The following ANKRD11 variants were observed in gnomAD, a reference collection of about 807,000 sequenced individuals.
The protein encoded by ANKRD11 is ankyrin repeat domain-containing protein 11.
In ANKRD11, 17 loss-of-function variants were observed where a neutral mutation model predicts 195.7. The ratio of observed to expected loss-of-function variants is 0.09; its 90% CI spans 0.06 to 0.13. The LOEUF is 0.13. Among genes scored for constraint, ANKRD11 ranks in the 10% least tolerant of loss-of-function variants. The pLI is 1.00. For missense variants in ANKRD11, 3,735 were observed against 3,566.1 expected (o/e 1.05, Z -1.21); for synonymous variants, 1,953 against 1,528.1 (o/e 1.28, Z -6.49).
chr16:89,427,144 G>A (rs1383834854), intron 1 of ANKRD11, among the ~76,000 whole-genome samples: 1 of 152,142 alleles, frequency 6.6e-6, no homozygotes. Flanking sequence ...ATCTGAAAAA[G>A]ATTAAGGAAA....
intron 3 of ANKRD11, among the ~76,000 whole-genome samples, chr16:89,309,962 C>T (rs1327870267): frequency 6.6e-6 from 1 of 152,230 alleles, no homozygotes; most frequent in Admixed American, 6.5e-5. Flanking sequence ...GAGGTAGGCT[C>T]TGCACATGTC....
chr16:89,467,558 G>A (rs2056927807), intron 1 of ANKRD11, among the ~76,000 whole-genome samples: 1 of 152,090 alleles, frequency 6.6e-6, no homozygotes, highest in African/African-American at 2.4e-5. Context: ...TAGAGACGGG[G>A]TCTTGCTATG....
intron 1 of ANKRD11, among the ~76,000 whole-genome samples, chr16:89,467,211 C>T (rs972885117): frequency 2.0e-5 from 3 of 151,896 alleles, no homozygotes; most frequent in East Asian, 1.9e-4. Flanking sequence ...GCAGGTGGAT[C>T]GCTTGAGCCC....
At chr16:89,463,267 T>C (rs1387725867) in intron 1 of ANKRD11, among the ~76,000 whole-genome samples, 2 of 152,196 alleles carry the variant, frequency 1.3e-5, no homozygotes, top group Non-Finnish European at 2.9e-5. Flanking sequence ...AGAAATCGGA[T>C]GGTTGCCGTG....
At chr16:89,432,063 A>T (rs190071221) in intron 1 of ANKRD11, among the ~76,000 whole-genome samples, 21 of 152,126 alleles carry the variant, frequency 1.4e-4, no homozygotes, top group Admixed American at 1.3e-3. Context: ...CTTTACCTAC[A>T]TCATCATAAC....
intron 1 of ANKRD11, among the ~76,000 whole-genome samples, chr16:89,481,933 A>T (rs1445477106): frequency 2.0e-5 from 3 of 152,088 alleles, no homozygotes; most frequent in Non-Finnish European, 4.4e-5. Flanking sequence ...AAAAAAAAAA[A>T]ATAGCACTTC....
At chr16:89,355,480 C>CATTT (rs1294373575) in intron 2 of ANKRD11, among the ~76,000 whole-genome samples, 1 of 152,126 alleles carries the variant, frequency 6.6e-6, no homozygotes, top group Non-Finnish European at 1.5e-5. Context: ...AATTCAAAGC[C>CATTT]ATTTCAAAGT....
chr16:89,278,410 TGGAGG>T (rs2033843707), intron 9 of ANKRD11: 1 of 411,624 alleles, frequency 2.4e-6, no homozygotes, highest in Non-Finnish European at 4.9e-6. Flanking sequence ...GGGCCCCATT[TGGAGG>T]GATCTATTTT....
At chr16:89,484,878 C>T (rs2057553733) in intron 1 of ANKRD11, among the ~76,000 whole-genome samples, 1 of 152,040 alleles carries the variant, frequency 6.6e-6, no homozygotes, top group African/African-American at 2.4e-5. Context: ...AAAAAGAGCC[C>T]TACAGATTTC....
intron 1 of ANKRD11, among the ~76,000 whole-genome samples, chr16:89,430,306 G>C (rs571863071): frequency 5.8e-5 from 8 of 139,046 alleles, no homozygotes; most frequent in African/African-American, 1.1e-4. Flanking sequence ...ACACAGCAGG[G>C]ACTCTCAACT....
At chr16:89,406,567 T>C (rs1295154310) in intron 2 of ANKRD11, among the ~76,000 whole-genome samples, 1 of 152,130 alleles carries the variant, frequency 6.6e-6, no homozygotes, top group African/African-American at 2.4e-5. Context: ...GGAAGACAGA[T>C]GTGCTTCCCC....
intron 2 of ANKRD11, among the ~76,000 whole-genome samples, chr16:89,394,638 AAAAAC>A (rs1235867128): frequency 5.0e-4 from 76 of 151,982 alleles, no homozygotes; most frequent in African/African-American, 1.8e-3. Flanking sequence ...CCAAAAAAAA[AAAAAC>A]AAACAACCTT....
rs1458936301 is a variant in ANKRD11 at position 89,284,029 on chromosome 16, C to T, written c.2513G>A (p.Arg838Gln). 11 of 1,614,164 alleles carry T rather than the reference C, an allele frequency of 6.8e-6. No homozygotes were observed. Among genetic ancestry groups the T allele is most frequent in the South Asian group, 3.3e-5 (3 of 91,080 alleles). ...GGACAAGTCAGAAAACCACCGATCT[C>T]GCTGATCGTCAGAAAGGCTAAATTT... ...DTKFSLSDDQ[R>Q]DRWFSDLSDS... Residue 838 changes from arginine to glutamine, a missense_variant, in exon 9 of 13, where the codon CGA becomes CAA. Transcript: ENST00000301030.
chr16:89,338,119 G>A (rs1353265068), intron 2 of ANKRD11, among the ~76,000 whole-genome samples: 2 of 152,132 alleles, frequency 1.3e-5, no homozygotes, highest in African/African-American at 2.4e-5. Context: ...CCAGGACGCC[G>A]CCCGTCAGGC....
chr16:89,413,112 T>A (rs2042163061), intron 2 of ANKRD11, among the ~76,000 whole-genome samples: 1 of 152,192 alleles, frequency 6.6e-6, no homozygotes, highest in South Asian at 2.1e-4. Flanking sequence ...AGTGCCCATT[T>A]TCACATGAAC....
chr16:89,485,633 TATACCCACAATTA>T (rs2057588356), intron 1 of ANKRD11, among the ~76,000 whole-genome samples: 2 of 152,134 alleles, frequency 1.3e-5, no homozygotes, highest in African/African-American at 4.8e-5. Flanking sequence ...ATCTCCCAAA[TATACCCACAATTA>T]GTCTTTAAAA....
At position 89,280,091 on chromosome 16, in the gene ANKRD11, C is replaced by A; in HGVS notation, c.6451G>T (p.Gly2151Cys). The change falls in exon 9 of 13, where the codon GGT becomes TGT. Residue 2151 changes from glycine to cysteine, a missense_variant. Coordinates refer to ENST00000301030, the MANE Select transcript of ANKRD11 (RefSeq NM_013275.6). ...CTTTCTTCCACGGGTTCCGCTTCAC[C>A]ATCTGCGGCATCTTTAGTCTGCAGG... ...LPLQTKDAAD[G>C]EAEPVEESLA... 1 of 1,613,154 alleles carries A rather than the reference C, an allele frequency of 6.2e-7. No individual in the cohort carries two copies. Among genetic ancestry groups the A allele is most frequent in the South Asian group, 1.1e-5 (1 of 91,068 alleles).
intron 2 of ANKRD11, among the ~76,000 whole-genome samples, chr16:89,337,237 A>G (rs567483872): frequency 6.6e-6 from 1 of 151,888 alleles, no homozygotes; most frequent in South Asian, 2.1e-4. Context: ...GCACAGATTA[A>G]TGGAGGAAGC....
At chr16:89,304,976 C>A in intron 4 of ANKRD11, 1 of 632,300 alleles carries the variant, frequency 1.6e-6, no homozygotes. Flanking sequence ...GTGTGTGGGA[C>A]CCAAGAGTGA....
Sources: allele counts gnomAD v4.1 joint callset (sites outside exome capture counted in the v4.1 genomes callset), GRCh38; gene constraint gnomAD v4.1.1; transcripts MANE v1.5; gene names NCBI Gene and HGNC (gene_info 2026-07-23, HGNC 2026-07-21).